MYO10: variants seen among roughly 807,000 people sequenced by gnomAD.
The protein encoded by MYO10 is unconventional myosin-X.
A neutral mutation model predicts 257.3 loss-of-function variants in MYO10; 133 were observed. The observed-to-expected ratio is 0.52, with a 90% CI of 0.45 to 0.60. MYO10 has a LOEUF of 0.60. MYO10 is among the 20% of genes least tolerant of loss of function. The probability of loss-of-function intolerance (pLI) is 0.00; values close to 1 mark genes in which losing one functional copy is unlikely to be tolerated. For synonymous variants in MYO10, 1,104 were observed against 1,028.6 expected (o/e 1.07, Z -1.40); for missense variants, 2,399 against 2,635.7 (o/e 0.91, Z 1.97).
rs1337196802 is a variant in MYO10, at chr5:16,793,492, T to C, written c.467+1154A>G. On this transcript the variant is annotated intron_variant, in intron 4 of 40. Coordinates refer to ENST00000513610, the MANE Select transcript of MYO10 (RefSeq NM_012334.3). ...GCATGAGCCACCGCGCCTGGCTGATTTTGCATTTTTAGTAGAAATGGGGTT... is the reference window on the plus strand; with the variant it reads ...GCATGAGCCACCGCGCCTGGCTGATCTTGCATTTTTAGTAGAAATGGGGTT... 2.6e-5 allele frequency among the ~76,000 whole-genome samples: 4 copies of C among 152,132 alleles called. No homozygotes were observed. The East Asian group carries it at 7.8e-4, about 30-fold the overall frequency.
intron 4 of MYO10, among the ~76,000 whole-genome samples, chr5:16,791,090 G>A (rs1228044346): frequency 2.0e-5 from 3 of 152,076 alleles, no homozygotes; most frequent in Non-Finnish European, 4.4e-5. Flanking sequence ...AAGTAGCAGA[G>A]GAGCCTATCC....
At chr5:16,785,587 A>C (rs1365221834) in intron 4 of MYO10, among the ~76,000 whole-genome samples, 1 of 152,232 alleles carries the variant, frequency 6.6e-6, no homozygotes, top group Non-Finnish European at 1.5e-5. Flanking sequence ...CAGCAGGCAG[A>C]GGCCGGGCAC....
intron 2 of MYO10, among the ~76,000 whole-genome samples, chr5:16,825,036 G>C (rs1381029090): frequency 6.6e-6 from 1 of 152,176 alleles, no homozygotes; most frequent in Non-Finnish European, 1.5e-5. Flanking sequence ...AGGAATTGGA[G>C]ACTGTTTACA....
In MYO10 at chr5:16,701,935, G is replaced by A. The variant is rs890760260; in HGVS notation, c.2557-97C>T. On this transcript the variant is annotated intron_variant, in intron 24 of 40. Coordinates refer to ENST00000513610, the MANE Select transcript of MYO10 (RefSeq NM_012334.3). This position sits in a 1 kb window ranked among gnomAD's most constrained non-coding sequence, Gnocchi z 8.1. ...CCAGGATGAAATATGGTCATTATGA[G>A]TTGGACTGTGTCCCCATAAAGTCTA... 1 of 1,366,694 alleles carries A rather than the reference G, an allele frequency of 7.3e-7. No homozygotes were observed. The highest frequency in any genetic ancestry group is 9.8e-7 in the Non-Finnish European group (1 of 1,019,306). The allele number at this position is 1,366,694 out of a possible 1,614,324, so 84.7% of individuals were successfully genotyped here.
At chr5:16,752,398 T>A (rs1025843690) in intron 19 of MYO10, among the ~76,000 whole-genome samples, 1 of 152,220 alleles carries the variant, frequency 6.6e-6, no homozygotes, top group Non-Finnish European at 1.5e-5. Flanking sequence ...TTCTCCTGCC[T>A]CAGCCTCCCA....
At chr5:16,893,751 T>TAA (rs201537553) in intron 1 of MYO10, among the ~76,000 whole-genome samples, 1 of 152,002 alleles carries the variant, frequency 6.6e-6, no homozygotes, top group Admixed American at 6.6e-5. Context: ...ACTACACTGC[T>TAA]AAAAACATAA....
chr5:16,738,148 T>G, intron 19 of MYO10: 1 of 985,382 alleles, frequency 1.0e-6, no homozygotes, highest in South Asian at 4.7e-5. Context: ...AGCCTGGAGC[T>G]GAAGGAGAGA....
chr5:16,756,990 A>G (rs925371191), intron 18 of MYO10, among the ~76,000 whole-genome samples: 8 of 151,818 alleles, frequency 5.3e-5, no homozygotes, highest in African/African-American at 9.7e-5. Context: ...GTAATGGCGC[A>G]TGCCTCTAGT....
chr5:16,794,862 G>A (rs778332124), intron 3 of MYO10, 29 bp from the exon 4 acceptor site: 17 of 1,425,664 alleles, frequency 1.2e-5, no homozygotes, highest in East Asian at 2.7e-5. Context: ...ACAGGGATGC[G>A]TCACTTCTAA....
intron 1 of MYO10, among the ~76,000 whole-genome samples, chr5:16,901,022 C>T (rs188195580): frequency 4.6e-5 from 7 of 152,292 alleles, no homozygotes; most frequent in Middle Eastern, 3.4e-3. Context: ...TGAGCCACCA[C>T]GCCTGGCCCC....
intron 35 of MYO10, among the ~76,000 whole-genome samples, chr5:16,674,217 C>T (rs1429547504): frequency 6.6e-6 from 1 of 152,196 alleles, no homozygotes; most frequent in Non-Finnish European, 1.5e-5. Flanking sequence ...CCTGTAATCC[C>T]AGCACTTTGG....
At chr5:16,686,659 C>T (rs1193795668) in intron 28 of MYO10, among the ~76,000 whole-genome samples, 3 of 152,002 alleles carry the variant, frequency 2.0e-5, no homozygotes, top group Non-Finnish European at 2.9e-5. Flanking sequence ...CTCAGCCTCT[C>T]GAGTAGCTGG....
chr5:16,856,021 T>A (rs60166251), intron 2 of MYO10, among the ~76,000 whole-genome samples: 2 of 152,174 alleles, frequency 1.3e-5, no homozygotes, highest in African/African-American at 2.4e-5. Flanking sequence ...ACGAAGCAAC[T>A]GCATTTGAAA....
Position 16,670,850 on chromosome 5 carries a change from C to T in MYO10, c.5559G>A (p.Glu1853=). Residue 1853 remains glutamate, a synonymous_variant, in exon 39 of 41, where the codon GAG becomes GAA. Transcript: ENST00000513610. ...CCTTGAGTCTCTGCAGGGAATAAAC[C>T]TCTTCGAGAGGTGGGATGGCAGCGT... ...TLHAAIPPLE[E]VYSLQRLKAR... is the part of the protein sequence containing the mutation. 2 of 1,613,952 alleles carry T rather than the reference C, an allele frequency of 1.2e-6. No individual in the cohort carries two copies. Among genetic ancestry groups the T allele is most frequent in the Non-Finnish European group, 1.7e-6 (2 of 1,179,888 alleles).
At chr5:16,839,144 C>T (rs977345273) in intron 2 of MYO10, among the ~76,000 whole-genome samples, 1 of 152,038 alleles carries the variant, frequency 6.6e-6, no homozygotes, top group Non-Finnish European at 1.5e-5. Flanking sequence ...ATTTCATAAG[C>T]CTATATACCT....
rs1180158008 is a variant in MYO10, at chr5:16,664,384, TC to T, written c.*2307del. The stretch of plus-strand genomic sequence containing the variant: ...AGAGGTGAGCAGTAGAAAGAAGACT[TC>T]TGTCAAATTCTTTCTGAGCCTAAAA... On this transcript the variant is annotated 3_prime_UTR_variant, in exon 41 of 41. Coordinates refer to ENST00000513610, the MANE Select transcript of MYO10 (RefSeq NM_012334.3). 6.6e-6 allele frequency: 1 copy of T among 152,148 alleles called. No homozygotes were observed. The allele number at this position is 152,148 out of a possible 1,614,324, so 9.4% of individuals were successfully genotyped here.
In MYO10 at chr5:16,829,960, C is replaced by A. The variant is rs142961743; in HGVS notation, c.121-11793G>T. On this transcript the variant is annotated intron_variant, in intron 2 of 40. Coordinates refer to ENST00000513610, the MANE Select transcript of MYO10 (RefSeq NM_012334.3). ...ATAGTTGTACATTAAGGAAAACCAG[C>A]CAGGTGCGGTGGCTCACACCTCTCA... Among the ~76,000 whole-genome samples the A allele has an allele frequency of 6.2e-4, 95 of 152,192 alleles. 2 individuals carry two copies. The East Asian group carries it at 0.015, about 24-fold the overall frequency.
intron 9 of MYO10, among the ~76,000 whole-genome samples, chr5:16,776,177 A>G (rs1741206376): frequency 1.3e-5 from 2 of 152,114 alleles, no homozygotes; most frequent in Admixed American, 1.3e-4. Context: ...CATTACAGAC[A>G]TGAGCCACTG....
chr5:16,912,052 G>GTTGT (rs372889905), intron 1 of MYO10, among the ~76,000 whole-genome samples: 99 of 151,982 alleles, frequency 6.5e-4, no homozygotes, highest in Non-Finnish European at 9.9e-4. Flanking sequence ...AAAAAATTAG[G>GTTGT]TTGTTTGTTT....
Sources: gnomAD v4.1 joint callset for allele counts (sites outside exome capture counted in the v4.1 genomes callset) on GRCh38, gnomAD v4.1.1 for gene constraint, Gnocchi (gnomAD v3.1) non-coding constraint, MANE v1.5 for transcripts, NCBI Gene and HGNC (gene_info 2026-07-23, HGNC 2026-07-21) for gene names.